Variants in RYR1 observed in about 807,000 individuals in gnomAD.
RYR1 encodes the protein central core disease of muscle.
Under a neutral mutation model 583.5 loss-of-function variants are expected in RYR1, and 342 were observed. The ratio of observed to expected loss-of-function variants is 0.59; its 90% confidence interval spans 0.54 to 0.64. RYR1 has a LOEUF of 0.64. Ranked by LOEUF, RYR1 falls within the 30% of genes least tolerant of loss-of-function variation. The pLI, the probability that RYR1 is intolerant of heterozygous loss-of-function variation, is 0.00. For missense variants in RYR1, 6,032 were observed against 6,917.2 expected (o/e 0.87, Z 4.54); for synonymous variants, 2,791 against 2,822.5 (o/e 0.99, Z 0.35).
In RYR1 at chr19:38,463,539, C is replaced by T; in HGVS notation, c.2682+12C>T. On this transcript the variant is annotated intron_variant, in intron 21 of 105. Coordinates refer to ENST00000359596, the MANE Select transcript of RYR1 (RefSeq NM_000540.3). Reference sequence around the variant, plus strand: ...GGACCTACGGCCCGGTGAGGGGCTGCCTGCAGCCTGCGGGAGGCCGGCTAG... The same window carrying T: ...GGACCTACGGCCCGGTGAGGGGCTGTCTGCAGCCTGCGGGAGGCCGGCTAG... 1.2e-6 allele frequency: 2 copies of T among 1,609,646 alleles called. No homozygotes were observed. Among genetic ancestry groups the T allele is most frequent in the Non-Finnish European group, 1.7e-6 (2 of 1,178,276 alleles).
intron 31 of RYR1, 96 bp from the exon 32 acceptor site, chr19:38,482,931 T>G: frequency 9.4e-7 from 1 of 1,061,962 alleles, no homozygotes; most frequent in Admixed American, 1.7e-5. Context: ...AACGCCCAGA[T>G]GAGGACCTAC....
chr19:38,497,167 G>C (rs751431008), intron 42 of RYR1, among the ~76,000 whole-genome samples: 1 of 152,002 alleles, frequency 6.6e-6, no homozygotes. Context: ...CGCACTCCAC[G>C]CTTCCCGTCT....
intron 89 of RYR1, among the ~76,000 whole-genome samples, 170 bp from the exon 90 acceptor site, chr19:38,560,943 G>C (rs374159256): frequency 6.0e-5 from 9 of 150,486 alleles, no homozygotes; most frequent in South Asian, 2.1e-4. Context: ...TTGAGCCCGG[G>C]GGTGGGGATG....
chr19:38,520,566 A>C (rs1187600114), intron 67 of RYR1, among the ~76,000 whole-genome samples: 2 of 151,710 alleles, frequency 1.3e-5, no homozygotes, highest in Non-Finnish European at 2.9e-5. Flanking sequence ...GTAGTGACGC[A>C]GGCTTGAAAT....
chr19:38,464,440 T>C (rs1326665338), intron 22 of RYR1, among the ~76,000 whole-genome samples, 199 bp from the exon 23 acceptor site: 1 of 151,316 alleles, frequency 6.6e-6, no homozygotes, highest in African/African-American at 2.4e-5. Context: ...AAGACAGACA[T>C]AGTTAGTTAT....
chr19:38,521,380 A>G (rs1351436751), intron 67 of RYR1, among the ~76,000 whole-genome samples: 1 of 151,536 alleles, frequency 6.6e-6, no homozygotes, highest in Non-Finnish European at 1.5e-5. Flanking sequence ...CTCAAAAAAA[A>G]AAGAAATTTT....
chr19:38,579,945 T>C, intron 99 of RYR1, 37 bp from the exon 100 acceptor site: 2 of 1,613,918 alleles, frequency 1.2e-6, no homozygotes, highest in East Asian at 2.2e-5. Flanking sequence ...CGTGTGTCCC[T>C]GCCTTCCCCC....
chr19:38,433,744 C>T lies in RYR1; in HGVS notation c.-86C>T. The T allele has an allele frequency of 1.4e-6, 1 of 714,420 alleles. No homozygotes were observed. The highest frequency in any genetic ancestry group is 2.5e-6 in the Non-Finnish European group (1 of 392,294). 44.3% of individuals were successfully genotyped at this position (714,420 alleles called of 1,614,324 possible). On this transcript the variant is annotated 5_prime_UTR_variant, in exon 1 of 106. Coordinates refer to ENST00000359596, the MANE Select transcript of RYR1 (RefSeq NM_000540.3). Reference sequence around the variant, plus strand: ...TGGTGTCTCCAGAGGTCTCCGACCCCAGCCCGCCCCCAGCCCTCCCGCCCA... The same window carrying T: ...TGGTGTCTCCAGAGGTCTCCGACCCTAGCCCGCCCCCAGCCCTCCCGCCCA...
In RYR1 at chr19:38,510,652, G is replaced by C. The variant is rs768611849; in HGVS notation, c.9001-8G>C. On this transcript the variant is annotated splice_polypyrimidine_tract_variant and splice_region_variant and intron_variant, in intron 59 of 105. Transcript: ENST00000359596. ...TTGGACCCTTTATCTCCCCCAACCCGTCTCCAGATCCTGCTCCCTTTGATC... is the reference window on the plus strand; with the variant it reads ...TTGGACCCTTTATCTCCCCCAACCCCTCTCCAGATCCTGCTCCCTTTGATC... 1 of 1,613,600 alleles carries C rather than the reference G, an allele frequency of 6.2e-7. No homozygotes were observed. Among genetic ancestry groups the C allele is most frequent in the East Asian group, 2.2e-5 (1 of 44,864 alleles).
rs150126606 is a variant in RYR1 at position 38,579,880 on chromosome 19, C to T, written c.14365-102C>T. The T allele has an allele frequency of 2.9e-4, 432 of 1,514,828 alleles. 3 individuals carry two copies. In the East Asian group the frequency reaches 9.0e-3, roughly 32 times the overall value. The allele number at this position is 1,514,828 out of a possible 1,614,324, so 93.8% of individuals were successfully genotyped here. On this transcript the variant is annotated intron_variant, in intron 99 of 105. Coordinates refer to ENST00000359596, the MANE Select transcript of RYR1 (RefSeq NM_000540.3). ...GTACTCCCCAAACAGAGCTGGCACC[C>T]GACCCCCAGGGCACAGCTGACTCTC... is the stretch of plus-strand genomic sequence containing the variant.
At chr19:38,456,146 ATTTTT>A (rs36068366) in intron 16 of RYR1, among the ~76,000 whole-genome samples, 9 of 144,806 alleles carry the variant, frequency 6.2e-5, no homozygotes, top group Admixed American at 7.0e-5. Context: ...TAATTTTTGT[ATTTTT>A]TTTTTAGTAG....
At position 38,534,763 on chromosome 19, in the gene RYR1, G is replaced by A. The variant is rs1214804010; in HGVS notation, c.11303G>A (p.Arg3768Gln). ...EKQRLLYQQA[R>Q]LHTRGAAEMV... ...CAGAGGCTCTTGTACCAGCAAGCAC[G>A]GCTGCACACCCGGGGGGCGGCCGAG... Residue 3768 changes from arginine to glutamine, a missense_variant, in exon 79 of 106, where the codon CGG becomes CAG. Transcript: ENST00000359596. The A allele has an allele frequency of 2.5e-6, 4 of 1,613,912 alleles. No individual in the cohort carries two copies. Among genetic ancestry groups the A allele is most frequent in the African/African-American group, 1.3e-5 (1 of 74,918 alleles).
At chr19:38,460,166 C>G (rs1362969792) in intron 19 of RYR1, among the ~76,000 whole-genome samples, 2 of 152,178 alleles carry the variant, frequency 1.3e-5, no homozygotes, top group South Asian at 2.1e-4. Flanking sequence ...TCTCAACTCC[C>G]TGGCTCTTAA....
chr19:38,487,087 A>T (rs1969333395), intron 34 of RYR1, among the ~76,000 whole-genome samples: 1 of 151,834 alleles, frequency 6.6e-6, no homozygotes, highest in Admixed American at 6.6e-5. Context: ...AGGTCCAATA[A>T]TCATCTCCTC....
chr19:38,573,066 C>T, intron 95 of RYR1, 111 bp from the exon 96 acceptor site: 1 of 1,556,354 alleles, frequency 6.4e-7, no homozygotes, highest in Admixed American at 1.7e-5. Context: ...TGGGAAAGCA[C>T]TTCTGATGTG....
At chr19:38,436,578 T>G (rs1415187155) in intron 1 of RYR1, among the ~76,000 whole-genome samples, 1 of 152,232 alleles carries the variant, frequency 6.6e-6, no homozygotes, top group Non-Finnish European at 1.5e-5. Context: ...TGTTGCTTTT[T>G]GTTGCCGAAT....
rs1430260434 is a variant in RYR1, at chr19:38,437,060, T to A, written c.45+3186T>A. Among the ~76,000 whole-genome samples the A allele has an allele frequency of 7.3e-5, 11 of 151,044 alleles. No individual in the cohort carries two copies. In the East Asian group the frequency reaches 1.9e-3, roughly 27 times the overall value. On this transcript the variant is annotated intron_variant, in intron 1 of 105. Transcript: ENST00000359596. The stretch of plus-strand genomic sequence containing the variant: ...TCCTTCATTTTTTTTTTCTTTTTCT[T>A]TTTTTTTTAAGATGGAGTCTTCCTT...
At chr19:38,507,113 GA>G (rs568609644) in intron 57 of RYR1, among the ~76,000 whole-genome samples, 161 bp downstream of exon 57, 21 of 151,178 alleles carry the variant, frequency 1.4e-4, no homozygotes, top group Admixed American at 1.1e-3. Flanking sequence ...CCTGGACACA[GA>G]GGCGGGGCCA....
rs1344442069 is a variant in RYR1, at chr19:38,444,856, A to AC, written c.631+186dup. ...CAAATCCAGACCCCCAGAGCTCAGA[A>AC]CCCCCCCAAACCCCGAACTAAATAT... is the stretch of plus-strand genomic sequence containing the variant. On this transcript the variant is annotated intron_variant, in intron 7 of 105. Coordinates refer to ENST00000359596, the MANE Select transcript of RYR1 (RefSeq NM_000540.3). This position sits in a 1 kb window ranked among gnomAD's most constrained non-coding sequence, Gnocchi z 5.1. 2.8e-5 allele frequency among the ~76,000 whole-genome samples: 4 copies of AC among 144,074 alleles called. No individual in the cohort carries two copies. The highest frequency in any genetic ancestry group is 2.4e-4 in the South Asian group (1 of 4,124). 94.5% of individuals were successfully genotyped at this position (144,074 alleles called of 152,430 possible).
Sources: gnomAD v4.1 joint callset for allele counts (sites outside exome capture counted in the v4.1 genomes callset) on GRCh38, gnomAD v4.1.1 for gene constraint, Gnocchi (gnomAD v3.1) non-coding constraint, MANE v1.5 for transcripts, NCBI Gene and HGNC (gene_info 2026-07-23, HGNC 2026-07-21) for gene names.